The following GBF1 variants were observed in gnomAD, a reference collection of about 807,000 sequenced individuals.
The protein encoded by GBF1 is golgi brefeldin A resistant guanine nucleotide exchange factor 1.
Under a neutral mutation model 210.5 loss-of-function variants are expected in GBF1, and 114 were observed. The ratio of observed to expected loss-of-function variants is 0.54; its 90% confidence interval spans 0.47 to 0.63. The LOEUF is 0.63. Ranked by LOEUF, GBF1 falls within the 30% of genes least tolerant of loss-of-function variation. The probability of loss-of-function intolerance (pLI) is 0.00; values close to 1 mark genes in which losing one functional copy is unlikely to be tolerated. For missense variants in GBF1, 1,851 were observed against 2,357.7 expected (o/e 0.79, Z 4.45); for synonymous variants, 850 against 889.2 (o/e 0.96, Z 0.78).
In GBF1 at chr10:102,369,724, T is replaced by A. The variant is rs753282830; in HGVS notation, c.3164T>A (p.Val1055Glu). ...TTACTTTTCCAGGTAGAAGATTTCG[T>A]GGATCCCAATGGCAAGATCTCTCTA... ...PKAMIEVEDF[V>E]DPNGKISLQR... The change falls in exon 25 of 40, where the codon GTG becomes GAG. Residue 1055 changes from valine (V) to glutamate (E), a missense_variant. Val to Glu is a moderately radical substitution (Grantham distance 121). Around this residue, in one of 3 missense-constraint regions of GBF1, gnomAD observed 967 missense variants for 1,247.7 expected, o/e 0.78. Transcript: ENST00000369983. 6.2e-7 allele frequency: 1 copy of A among 1,614,132 alleles called. No individual in the cohort carries two copies. Among genetic ancestry groups the A allele is most frequent in the South Asian group, 1.1e-5 (1 of 91,086 alleles).
At chr10:102,276,302 G>A (rs539789913) in intron 3 of GBF1, among the ~76,000 whole-genome samples, 55 of 151,856 alleles carry the variant, frequency 3.6e-4, no homozygotes, top group African/African-American at 1.2e-3. Context: ...CGAGGCAGGC[G>A]GATCACGAGG....
intron 3 of GBF1, among the ~76,000 whole-genome samples, chr10:102,278,547 T>TAA (rs1389933639): frequency 6.6e-6 from 1 of 152,252 alleles, no homozygotes; most frequent in East Asian, 1.9e-4. Flanking sequence ...TTACATGTGA[T>TAA]ATTTTGATAC....
chr10:102,311,526 A>T (rs1206195917), intron 3 of GBF1, among the ~76,000 whole-genome samples: 1 of 152,190 alleles, frequency 6.6e-6, no homozygotes, highest in Non-Finnish European at 1.5e-5. Flanking sequence ...TATTGCTTCT[A>T]TGTGTTTGTC....
intron 3 of GBF1, among the ~76,000 whole-genome samples, chr10:102,332,104 C>CCCGCCT (rs2057379306): frequency 6.6e-6 from 1 of 152,142 alleles, no homozygotes; most frequent in South Asian, 2.1e-4. Context: ...AAGTGATCTA[C>CCCGCCT]CCGCCTCCGC....
intron 3 of GBF1, among the ~76,000 whole-genome samples, chr10:102,271,617 T>C (rs1456846200): frequency 6.6e-6 from 1 of 152,042 alleles, no homozygotes; most frequent in East Asian, 1.9e-4. Context: ...GTGGTATCAT[T>C]TAACTTGTTC....
chr10:102,346,944 T>G (rs2058617026), intron 4 of GBF1, among the ~76,000 whole-genome samples: 1 of 152,220 alleles, frequency 6.6e-6, no homozygotes. Flanking sequence ...CCATTGCCTT[T>G]CATAGCATTA....
intron 15 of GBF1, 142 bp downstream of exon 15, chr10:102,362,806 A>G (rs1284816331): frequency 4.7e-6 from 3 of 636,976 alleles, no homozygotes; most frequent in Non-Finnish European, 8.2e-6. Flanking sequence ...TTTAAATCAC[A>G]GGCCAGTCAG....
intron 3 of GBF1, among the ~76,000 whole-genome samples, chr10:102,296,188 G>T (rs2076891285): frequency 6.6e-6 from 1 of 152,028 alleles, no homozygotes; most frequent in Non-Finnish European, 1.5e-5. Flanking sequence ...AGCTTATCAG[G>T]GGGAAAGCTA....
At chr10:102,378,443 C>T (rs1164741140) in intron 33 of GBF1, among the ~76,000 whole-genome samples, 3 of 151,326 alleles carry the variant, frequency 2.0e-5, no homozygotes, top group Non-Finnish European at 4.4e-5. Context: ...GGAAAAATAG[C>T]GAGACCCTGC....
chr10:102,259,354 T>G (rs2072889999), intron 2 of GBF1, among the ~76,000 whole-genome samples: 1 of 152,178 alleles, frequency 6.6e-6, no homozygotes, highest in Admixed American at 6.5e-5. Flanking sequence ...GGGCTATAAT[T>G]AGCTATCAAA....
intron 1 of GBF1, among the ~76,000 whole-genome samples, chr10:102,250,383 A>C (rs1382236231): frequency 2.0e-5 from 3 of 152,028 alleles, no homozygotes. Flanking sequence ...TTTTGTAGAC[A>C]CAGGATTTTA....
chr10:102,324,056 A>G (rs1379591850), intron 3 of GBF1, among the ~76,000 whole-genome samples: 1 of 152,058 alleles, frequency 6.6e-6, no homozygotes, highest in African/African-American at 2.4e-5. Context: ...GAAAAAAGAG[A>G]GTATTATTCC....
In GBF1 at chr10:102,259,032, C is replaced by T; in HGVS notation, c.94C>T (p.Leu32=). 6.6e-7 allele frequency: 1 copy of T among 1,518,446 alleles called. No individual in the cohort carries two copies. Among genetic ancestry groups the T allele is most frequent in the Non-Finnish European group, 9.2e-7 (1 of 1,092,856 alleles). 94.1% of individuals were successfully genotyped at this position (1,518,446 alleles called of 1,614,324 possible). A position where few individuals can be genotyped will look rare whatever the true frequency, so the allele number is the denominator to read the frequency against. Residue 32 remains leucine (L), a splice_region_variant and synonymous_variant, in exon 2 of 40, where the codon CTG becomes TTG. Transcript: ENST00000369983. ...TGCCCGATGGAGCACCCATACACCA[C>T]TGGTAAGTGGGAAATGGATAAATAG... The part of the protein sequence containing the change: ...RNARWSTHTP[L]DEERDPLLHS...
At chr10:102,308,563 A>G (rs1251194248) in intron 3 of GBF1, among the ~76,000 whole-genome samples, 1 of 152,148 alleles carries the variant, frequency 6.6e-6, no homozygotes, top group East Asian at 1.9e-4. Flanking sequence ...TGATGAGTTC[A>G]TGTCCTTTGT....
intron 3 of GBF1, among the ~76,000 whole-genome samples, chr10:102,292,700 AT>A (rs1397694054): frequency 6.6e-6 from 1 of 152,086 alleles, no homozygotes; most frequent in Admixed American, 6.6e-5. Context: ...AAGTCCTAAG[AT>A]TTTTTGGAGT....
At chr10:102,237,254 C>A in the GBF1 span, among the ~76,000 whole-genome samples, 1 of 152,066 alleles carries the variant, frequency 6.6e-6, no homozygotes, top group East Asian at 1.9e-4. Flanking sequence ...GAGAGGGAAG[C>A]CCATGGAAGG....
At chr10:102,257,130 A>G (rs2072511552) in intron 1 of GBF1, among the ~76,000 whole-genome samples, 1 of 152,190 alleles carries the variant, frequency 6.6e-6, no homozygotes. Flanking sequence ...AGGAATAATT[A>G]TGGTTATAAG....
At chr10:102,335,677 G>A (rs1163650991) in intron 3 of GBF1, among the ~76,000 whole-genome samples, 1 of 152,186 alleles carries the variant, frequency 6.6e-6, no homozygotes, top group Non-Finnish European at 1.5e-5. Context: ...AGCTGGTGGG[G>A]ACATCTCGTT....
chr10:102,344,187 G>C lies in GBF1; in HGVS notation c.295+5G>C, dbSNP rs1390576702. ...TCCTGTCCTATGCACTCATAGGTAA[G>C]AGCTCAGGCTTTGTTGCATGACCAC... On this transcript the variant is annotated splice_donor_5th_base_variant and intron_variant, in intron 4 of 39. Coordinates refer to ENST00000369983, the MANE Select transcript of GBF1 (RefSeq NM_001377137.1). The C allele has an allele frequency of 8.7e-6, 14 of 1,613,784 alleles. No individual in the cohort carries two copies. Among genetic ancestry groups the C allele is most frequent in the African/African-American group, 1.3e-5 (1 of 74,930 alleles).
Sources: gnomAD v4.1 joint callset for allele counts (sites outside exome capture counted in the v4.1 genomes callset) on GRCh38, gnomAD v4.1.1 for gene constraint, gnomAD v4.1.1 regional missense constraint, MANE v1.5 for transcripts, NCBI Gene and HGNC (gene_info 2026-07-23, HGNC 2026-07-21) for gene names.